KCTD8: variants seen among roughly 807,000 people sequenced by gnomAD.
The protein encoded by KCTD8 is BTB/POZ domain-containing protein KCTD8.
KCTD8 carries 27 observed loss-of-function variants against 31.5 expected under a neutral mutation model. The ratio of observed to expected loss-of-function variants is 0.86; its 90% CI spans 0.63 to 1.18. The LOEUF is 1.18. Among genes scored for constraint, KCTD8 ranks in the 50% most tolerant of loss-of-function variants. The pLI, the probability that KCTD8 is intolerant of heterozygous loss-of-function variation, is 0.00. For synonymous variants in KCTD8, 290 were observed against 280.0 expected (o/e 1.04, Z -0.36); for missense variants, 658 against 647.7 (o/e 1.02, Z -0.17).
At position 44,447,824 on chromosome 4, in the gene KCTD8, G is replaced by T; in HGVS notation, c.700C>A (p.Arg234Ser). ...QADAKFRRVA[R>S]IMVCGRIALA... is the part of the protein sequence containing the mutation. The stretch of plus-strand genomic sequence containing the variant: ...GCGATGCGCCCGCACACCATGATGC[G>T]CGCCACACGCCGGAATTTGGCGTCG... The change falls in exon 1 of 2, where the codon CGC becomes AGC. Residue 234 changes from arginine to serine, a missense_variant. Transcript: ENST00000360029. 6.3e-7 allele frequency: 1 copy of T among 1,598,962 alleles called. No individual in the cohort carries two copies.
intron 1 of KCTD8, among the ~76,000 whole-genome samples, chr4:44,229,915 T>A (rs2109352010): frequency 6.6e-6 from 1 of 152,194 alleles, no homozygotes; most frequent in South Asian, 2.1e-4. Flanking sequence ...GCCATGGTGG[T>A]TTGCTGCACC....
intron 1 of KCTD8, among the ~76,000 whole-genome samples, chr4:44,214,802 T>G (rs2109345199): frequency 6.6e-6 from 1 of 152,298 alleles, no homozygotes; most frequent in Admixed American, 6.5e-5. Context: ...CAAGACTGCC[T>G]TTTCAGAACT....
intron 1 of KCTD8, among the ~76,000 whole-genome samples, chr4:44,238,423 A>G (rs998676994): frequency 6.6e-6 from 1 of 152,172 alleles, no homozygotes; most frequent in African/African-American, 2.4e-5. Flanking sequence ...CTGTAGCTTC[A>G]TGAAAGTAGA....
chr4:44,355,929 A>G lies in KCTD8; in HGVS notation c.961+91634T>C, dbSNP rs1020583039. Among the ~76,000 whole-genome samples the G allele has an allele frequency of 2.4e-4, 19 of 80,678 alleles. No homozygotes were observed. The Admixed American group carries it at 2.8e-3, about 12-fold the overall frequency. The allele number at this position is 80,678 out of a possible 152,430, so 52.9% of individuals were successfully genotyped here. Reference sequence around the variant, plus strand: ...TAATCATTAAAGTATATAAAGTCATACATTTTATAGCTAAATTGCAAATCT... The same window carrying G: ...TAATCATTAAAGTATATAAAGTCATGCATTTTATAGCTAAATTGCAAATCT... On this transcript the variant is annotated intron_variant, in intron 1 of 1. Coordinates refer to ENST00000360029, the MANE Select transcript of KCTD8 (RefSeq NM_198353.3).
intron 1 of KCTD8, among the ~76,000 whole-genome samples, chr4:44,276,626 G>A (rs1716757977): frequency 6.6e-6 from 1 of 151,892 alleles, no homozygotes; most frequent in South Asian, 2.1e-4. Flanking sequence ...TATATAACTA[G>A]TTGGTATTTT....
At chr4:44,332,855 C>T (rs1013238734) in intron 1 of KCTD8, among the ~76,000 whole-genome samples, 1 of 151,764 alleles carries the variant, frequency 6.6e-6, no homozygotes, top group African/African-American at 2.4e-5. Flanking sequence ...CATGACAGAC[C>T]AGAGATTCTC....
chr4:44,375,123 C>T (rs1719887350), intron 1 of KCTD8, among the ~76,000 whole-genome samples: 1 of 152,088 alleles, frequency 6.6e-6, no homozygotes, highest in Non-Finnish European at 1.5e-5. Flanking sequence ...GAAAGTTAAG[C>T]ATTGTGTCAA....
chr4:44,325,452 A>G (rs1447948804), intron 1 of KCTD8, among the ~76,000 whole-genome samples: 2 of 151,884 alleles, frequency 1.3e-5, no homozygotes, highest in East Asian at 3.8e-4. Flanking sequence ...TATTTGATAA[A>G]TTACTTTAAA....
At chr4:44,242,607 A>C (rs1231904587) in intron 1 of KCTD8, among the ~76,000 whole-genome samples, 53 of 150,508 alleles carry the variant, frequency 3.5e-4, no homozygotes, top group African/African-American at 1.2e-3. Flanking sequence ...AACAAACAAA[A>C]CAAAAAAAAA....
At chr4:44,207,136 T>C (rs1456315534) in intron 1 of KCTD8, among the ~76,000 whole-genome samples, 1 of 152,184 alleles carries the variant, frequency 6.6e-6, no homozygotes, top group Non-Finnish European at 1.5e-5. Flanking sequence ...TCTCCATACG[T>C]TGGATTCCTA....
intron 1 of KCTD8, among the ~76,000 whole-genome samples, chr4:44,404,592 T>C (rs187248517): frequency 6.6e-6 from 1 of 152,262 alleles, no homozygotes; most frequent in Admixed American, 6.5e-5. Flanking sequence ...ATGATAGAAG[T>C]TTTGCCTCAG....
chr4:44,399,077 C>A (rs1453891091), intron 1 of KCTD8, among the ~76,000 whole-genome samples: 1 of 152,100 alleles, frequency 6.6e-6, no homozygotes, highest in Non-Finnish European at 1.5e-5. Context: ...CAAATTTGGG[C>A]ACTATGAAGA....
intron 1 of KCTD8, among the ~76,000 whole-genome samples, chr4:44,403,450 A>G (rs1720713635): frequency 6.6e-6 from 1 of 150,906 alleles, no homozygotes; most frequent in Admixed American, 6.6e-5. Context: ...AAAACAGATT[A>G]AGTGGCTTAA....
chr4:44,363,625 G>A (rs963211041), intron 1 of KCTD8, among the ~76,000 whole-genome samples: 27 of 152,202 alleles, frequency 1.8e-4, no homozygotes, highest in African/African-American at 6.5e-4. Flanking sequence ...ACAACATATT[G>A]GTTCTATTCA....
At chr4:44,393,532 A>AG (rs767449414) in intron 1 of KCTD8, among the ~76,000 whole-genome samples, 26 of 151,486 alleles carry the variant, frequency 1.7e-4, no homozygotes, top group Non-Finnish European at 3.1e-4. Context: ...AAAAAAAAAA[A>AG]CACATGAAAA....
At chr4:44,213,234 C>T (rs940234807) in intron 1 of KCTD8, among the ~76,000 whole-genome samples, 1 of 152,020 alleles carries the variant, frequency 6.6e-6, no homozygotes, top group Non-Finnish European at 1.5e-5. Flanking sequence ...CCGTGCCCAG[C>T]CTTCTTTTTT....
chr4:44,333,327 A>C (rs1718637802), intron 1 of KCTD8, among the ~76,000 whole-genome samples: 1 of 152,130 alleles, frequency 6.6e-6, no homozygotes, highest in South Asian at 2.1e-4. Flanking sequence ...ATGCACTTTA[A>C]TAAGTCGCAA....
intron 1 of KCTD8, among the ~76,000 whole-genome samples, chr4:44,403,177 G>A (rs774503597): frequency 1.3e-5 from 2 of 148,962 alleles, no homozygotes; most frequent in Admixed American, 6.8e-5. Context: ...GCATTTTTGC[G>A]GGGAGTGGAA....
At chr4:44,269,583 T>C (rs1208495011) in intron 1 of KCTD8, among the ~76,000 whole-genome samples, 2 of 151,952 alleles carry the variant, frequency 1.3e-5, no homozygotes, top group Admixed American at 6.6e-5. Flanking sequence ...CAAAAGAAAC[T>C]ACCATCAGAG....
Sources: allele counts gnomAD v4.1 joint callset (sites outside exome capture counted in the v4.1 genomes callset), GRCh38; gene constraint gnomAD v4.1.1; transcripts MANE v1.5; gene names NCBI Gene and HGNC (gene_info 2026-07-23, HGNC 2026-07-21).